The following TENM3 variants were observed in gnomAD, a reference collection of about 807,000 sequenced individuals.
TENM3 encodes teneurin-3.
Under a neutral mutation model 255.1 loss-of-function variants are expected in TENM3, and 63 were observed. That is an observed-to-expected ratio of 0.25 (90% CI 0.20 to 0.30). The LOEUF (loss-of-function observed/expected upper bound fraction) is 0.30. Among genes scored for constraint, TENM3 ranks in the 10% least tolerant of loss-of-function variants. The probability of loss-of-function intolerance (pLI) is 1.00; values close to 1 mark genes in which losing one functional copy is unlikely to be tolerated. For missense variants in TENM3, 2,929 were observed against 3,461.1 expected (o/e 0.85, Z 3.86); for synonymous variants, 1,306 against 1,322.3 (o/e 0.99, Z 0.27).
rs972229622 is a variant in TENM3 at position 182,771,502 on chromosome 4, G to GC, written c.4893-1970_4893-1969insC. On this transcript the variant is annotated intron_variant, in intron 22 of 27. Coordinates refer to ENST00000511685, the MANE Select transcript of TENM3 (RefSeq NM_001080477.4). ...TTTCATTTTCCGTCTCTGAAATGGGGGGGGGGGAAATAGTACAATACAGAA... is the reference window on the plus strand; with the variant it reads ...TTTCATTTTCCGTCTCTGAAATGGGGCGGGGGGGAAATAGTACAATACAGAA... 3.0e-4 allele frequency among the ~76,000 whole-genome samples: 45 copies of GC among 150,066 alleles called. No homozygotes were observed. The East Asian group carries it at 3.6e-3, about 12-fold the overall frequency.
Position 182,800,273 on chromosome 4 carries a change from G to A in TENM3, c.8022G>A (p.Ser2674=). ...VQGYDGYYVL[S]VEQYPELADS... ...GCTACGACGGGTACTACGTACTCTCGGTGGAGCAGTACCCCGAGCTGGCCG... is the reference window on the plus strand; with the variant it reads ...GCTACGACGGGTACTACGTACTCTCAGTGGAGCAGTACCCCGAGCTGGCCG... Residue 2674 remains serine (S), a synonymous_variant, in exon 28 of 28, where the codon TCG becomes TCA. Coordinates refer to ENST00000511685, the MANE Select transcript of TENM3 (RefSeq NM_001080477.4). The A allele has an allele frequency of 6.3e-7, 1 of 1,594,210 alleles. No individual in the cohort carries two copies.
chr4:181,473,230 C>G, the TENM3 span, among the ~76,000 whole-genome samples: 1 of 152,162 alleles, frequency 6.6e-6, no homozygotes, highest in Admixed American at 6.5e-5. Context: ...AGACAAGACT[C>G]TATCAGCTTC....
At chr4:181,550,802 C>T in the TENM3 span, among the ~76,000 whole-genome samples, 4 of 152,106 alleles carry the variant, frequency 2.6e-5, no homozygotes, top group South Asian at 2.1e-4. Flanking sequence ...GACTAAGTAA[C>T]GGTCCCATAT....
chr4:182,365,740 C>T (rs1430382143), intron 3 of TENM3, among the ~76,000 whole-genome samples: 1 of 152,150 alleles, frequency 6.6e-6, no homozygotes, highest in Non-Finnish European at 1.5e-5. Flanking sequence ...CAGTCCTGTG[C>T]CACTTAACTC....
chr4:182,128,230 A>G, the TENM3 span, among the ~76,000 whole-genome samples: 1 of 151,810 alleles, frequency 6.6e-6, no homozygotes, highest in Non-Finnish European at 1.5e-5. Flanking sequence ...ATGTTATCTT[A>G]TCCTTTTTTT....
intron 3 of TENM3, among the ~76,000 whole-genome samples, chr4:182,429,755 C>G (rs952262356): frequency 6.6e-6 from 1 of 152,036 alleles, no homozygotes; most frequent in Non-Finnish European, 1.5e-5. Context: ...GTTCAGGTAC[C>G]AACATTTATT....
At chr4:182,452,977 C>G (rs1399283035) in intron 3 of TENM3, among the ~76,000 whole-genome samples, 1 of 151,632 alleles carries the variant, frequency 6.6e-6, no homozygotes, top group Non-Finnish European at 1.5e-5. Flanking sequence ...GTTTGGTTTT[C>G]CCTATAAAGA....
chr4:181,991,477 C>A, the TENM3 span, among the ~76,000 whole-genome samples: 7 of 152,080 alleles, frequency 4.6e-5, 1 homozygote, highest in Admixed American at 4.6e-4. Flanking sequence ...CAGGCTTAAT[C>A]GGGTGGTATG....
chr4:181,747,317 C>T, the TENM3 span, among the ~76,000 whole-genome samples: 1 of 151,922 alleles, frequency 6.6e-6, no homozygotes, highest in South Asian at 2.1e-4. Context: ...TATAAATTGC[C>T]TTTCTTAAAT....
the TENM3 span, among the ~76,000 whole-genome samples, chr4:181,801,039 G>C: frequency 6.6e-6 from 1 of 152,110 alleles, no homozygotes; most frequent in East Asian, 1.9e-4. Context: ...GCACCTGAGA[G>C]GGTAGAAGGA....
the TENM3 span, among the ~76,000 whole-genome samples, chr4:181,458,753 T>C: frequency 1.3e-5 from 2 of 151,976 alleles, no homozygotes; most frequent in Non-Finnish European, 2.9e-5. Context: ...TTTTACTGAG[T>C]ATTATTTCAT....
At chr4:182,183,702 T>C (rs1391141051) in intron 1 of TENM3, among the ~76,000 whole-genome samples, 2 of 152,148 alleles carry the variant, frequency 1.3e-5, no homozygotes, top group East Asian at 3.9e-4. Flanking sequence ...CTGTCCCAAG[T>C]AGAAGCATAC....
intron 12 of TENM3, among the ~76,000 whole-genome samples, chr4:182,698,753 C>T (rs760047372): frequency 3.3e-5 from 5 of 152,152 alleles, no homozygotes; most frequent in African/African-American, 1.2e-4. Flanking sequence ...ATGAAAAAGA[C>T]AGGCAGCAGC....
rs144817996 is a variant in TENM3, at chr4:182,485,841, A to G, written c.512-115083A>G. ...GTCGATTCAGAAATGCAGTCAAGGA[A>G]ACAGGAGATTGTAGAGTATGACACT... On this transcript the variant is annotated intron_variant, in intron 3 of 27. Transcript: ENST00000511685. 1.1e-3 allele frequency among the ~76,000 whole-genome samples: 160 copies of G among 152,304 alleles called. 1 individual carries two copies. The highest frequency in any genetic ancestry group is 3.5e-3 in the African/African-American group (144 of 41,562).
the TENM3 span, among the ~76,000 whole-genome samples, chr4:181,985,491 C>T: frequency 3.9e-5 from 6 of 152,062 alleles, no homozygotes; most frequent in African/African-American, 1.4e-4. Context: ...GGGAATAGAT[C>T]AGAGTTTAAA....
the TENM3 span, among the ~76,000 whole-genome samples, chr4:181,756,627 A>C: frequency 6.6e-6 from 1 of 152,318 alleles, no homozygotes; most frequent in African/African-American, 2.4e-5. Flanking sequence ...CTGAAGCAGA[A>C]CAAACTCCGA....
At chr4:181,891,687 C>T in the TENM3 span, among the ~76,000 whole-genome samples, 1 of 152,128 alleles carries the variant, frequency 6.6e-6, no homozygotes, top group Non-Finnish European at 1.5e-5. Flanking sequence ...TCAGCCCATG[C>T]CTTTATCCTT....
the TENM3 span, among the ~76,000 whole-genome samples, chr4:181,504,275 C>T: frequency 6.6e-6 from 1 of 152,188 alleles, no homozygotes; most frequent in African/African-American, 2.4e-5. Context: ...AATGAGCCTC[C>T]GCGTAAGCCA....
At chr4:181,990,926 TAAC>T in the TENM3 span, among the ~76,000 whole-genome samples, 5 of 151,978 alleles carry the variant, frequency 3.3e-5, no homozygotes, top group South Asian at 8.3e-4. Context: ...TGCAAGCAAA[TAAC>T]AAAAAATAAT....
Sources: gnomAD v4.1 joint callset for allele counts (sites outside exome capture counted in the v4.1 genomes callset) on GRCh38, gnomAD v4.1.1 for gene constraint, MANE v1.5 for transcripts, NCBI Gene and HGNC (gene_info 2026-07-23, HGNC 2026-07-21) for gene names.